The following CDON variants were observed in gnomAD, a reference collection of about 807,000 sequenced individuals.
The protein encoded by CDON is cell adhesion associated, oncogene regulated.
In CDON, 73 loss-of-function variants were observed where a neutral mutation model predicts 120.9. The observed-to-expected ratio is 0.60, with a 90% CI of 0.50 to 0.73. The LOEUF (loss-of-function observed/expected upper bound fraction) is 0.73, where lower values mean the gene tolerates loss of function less well. Among genes scored for constraint, CDON ranks in the 30% least tolerant of loss-of-function variants. The pLI, the probability that CDON is intolerant of heterozygous loss-of-function variation, is 0.00. For synonymous variants in CDON, 566 were observed against 573.5 expected, an observed-to-expected ratio of 0.99 and a Z score of 0.19; for missense variants, 1,470 against 1,587.3, an observed-to-expected ratio of 0.93 and a Z score of 1.26.
intron 13 of CDON, among the ~76,000 whole-genome samples, chr11:125,994,668 G>C (rs1946728052): frequency 6.6e-6 from 1 of 152,194 alleles, no homozygotes; most frequent in African/African-American, 2.4e-5. Context: ...ATTTGGATAA[G>C]AGCCGAGGAA....
At chr11:126,046,641 C>A (rs1378852652) in intron 1 of CDON, among the ~76,000 whole-genome samples, 2 of 152,172 alleles carry the variant, frequency 1.3e-5, no homozygotes, top group Admixed American at 6.5e-5. Flanking sequence ...TTCTACAACA[C>A]CTTCTGGCTC....
At chr11:126,052,546 C>A (rs987376542) in intron 1 of CDON, among the ~76,000 whole-genome samples, 2 of 152,068 alleles carry the variant, frequency 1.3e-5, no homozygotes, top group Non-Finnish European at 1.5e-5. Context: ...ATACAGGCCA[C>A]GCGTGGTGGC....
chr11:125,978,778 A>T (rs625280), intron 17 of CDON, among the ~76,000 whole-genome samples: 1 of 152,052 alleles, frequency 6.6e-6, no homozygotes, highest in African/African-American at 2.4e-5. Context: ...TTCATGTGAT[A>T]CCAGTTGGAG....
intron 7 of CDON, among the ~76,000 whole-genome samples, chr11:126,014,052 A>G (rs1947386118): frequency 6.6e-6 from 1 of 152,106 alleles, no homozygotes. Context: ...TTAAATGTCC[A>G]AATACATGCC....
chr11:125,961,196 G>T, intron 19 of CDON, 91 bp from the exon 20 acceptor site: 1 of 1,202,922 alleles, frequency 8.3e-7, no homozygotes, highest in Non-Finnish European at 1.2e-6. Context: ...TTTGAGCCAA[G>T]AAGAAAGAAA....
intron 11 of CDON, 58 bp from the exon 12 acceptor site, chr11:125,997,468 G>T: frequency 7.7e-7 from 1 of 1,294,490 alleles, no homozygotes; most frequent in Non-Finnish European, 1.1e-6. Context: ...GAATAACATA[G>T]TTAAATTAAA....
intron 1 of CDON, among the ~76,000 whole-genome samples, chr11:126,061,788 G>A (rs943772693): frequency 6.6e-6 from 1 of 152,244 alleles, no homozygotes; most frequent in Non-Finnish European, 1.5e-5. Context: ...CTGGAAAGCA[G>A]TCTGCCCTTA....
chr11:126,052,390 C>T (rs886594555), intron 1 of CDON, among the ~76,000 whole-genome samples: 1 of 152,164 alleles, frequency 6.6e-6, no homozygotes, highest in Non-Finnish European at 1.5e-5. Flanking sequence ...ATTTAGAGAT[C>T]AGAACAATTC....
Position 125,958,978 on chromosome 11 carries a change from T to A in CDON, c.*1964A>T, listed in dbSNP as rs1945566322. ...CTTTGCTAGTCACAGAAGTAAGGGA[T>A]GCAGCTATCCCCCTCCAGAGCTAAC... On this transcript the variant is annotated 3_prime_UTR_variant, in exon 20 of 20. Coordinates refer to ENST00000531738, the MANE Select transcript of CDON (RefSeq NM_001378964.1). 1 of 152,204 alleles carries A rather than the reference T, an allele frequency of 6.6e-6. No homozygotes were observed. Among genetic ancestry groups the A allele is most frequent in the Non-Finnish European group, 1.5e-5 (1 of 68,052 alleles). The allele number at this position is 152,204 out of a possible 1,614,324, so 9.4% of individuals were successfully genotyped here. A position where few individuals can be genotyped will look rare whatever the true frequency, so the allele number is the denominator to read the frequency against.
At chr11:126,035,019 A>G (rs941452645) in intron 1 of CDON, among the ~76,000 whole-genome samples, 15 of 152,228 alleles carry the variant, frequency 9.9e-5, no homozygotes, top group Non-Finnish European at 2.1e-4. Flanking sequence ...GGTGTTAGGT[A>G]ATATAATTAA....
At chr11:126,056,168 A>G (rs1948675994) in intron 1 of CDON, among the ~76,000 whole-genome samples, 1 of 152,202 alleles carries the variant, frequency 6.6e-6, no homozygotes, top group South Asian at 2.1e-4. Context: ...CACTTCCAGG[A>G]ATCAGGAGTC....
At chr11:125,999,422 C>T (rs1458179574) in intron 11 of CDON, among the ~76,000 whole-genome samples, 5 of 152,148 alleles carry the variant, frequency 3.3e-5, no homozygotes, top group Middle Eastern at 3.2e-3. Context: ...ACTTTCTGGA[C>T]GATCTGAGGC....
chr11:125,980,588 TAA>T (rs1946267730), intron 17 of CDON, among the ~76,000 whole-genome samples: 1 of 149,184 alleles, frequency 6.7e-6, no homozygotes, highest in South Asian at 2.1e-4. Flanking sequence ...ATGACGACTG[TAA>T]GTGTCAAACC....
rs761313325 is a variant in CDON, at chr11:125,994,944, C to G, written c.2471G>C (p.Ser824Thr). Residue 824 changes from serine to threonine, a missense_variant, in exon 13 of 20, where the codon AGC becomes ACC. By Grantham distance (58) the Ser-to-Thr change is moderately conservative. Transcript: ENST00000531738. ...QVVGFPNRFS[S>T]RPITGPHIAY... ...AATGTGAGGTCCAGTTATTGGACGG[C>G]TGGAAAAGCGATTGGGGAACCCAAC... 6.2e-7 allele frequency: 1 copy of G among 1,614,052 alleles called. No individual in the cohort carries two copies. Among genetic ancestry groups the G allele is most frequent in the Non-Finnish European group, 8.5e-7 (1 of 1,179,976 alleles).
intron 1 of CDON, among the ~76,000 whole-genome samples, chr11:126,052,854 A>G (rs1948598592): frequency 6.6e-6 from 1 of 152,084 alleles, no homozygotes; most frequent in South Asian, 2.1e-4. Context: ...AATTAAAAAT[A>G]TACTGTATAA....
At chr11:125,976,825 T>C (rs938149876) in intron 18 of CDON, among the ~76,000 whole-genome samples, 4 of 152,174 alleles carry the variant, frequency 2.6e-5, no homozygotes, top group East Asian at 3.9e-4. Flanking sequence ...CTAGGACAAT[T>C]TTCCCCTTTT....
chr11:125,966,405 T>C (rs1222636386), intron 18 of CDON, among the ~76,000 whole-genome samples: 3 of 152,132 alleles, frequency 2.0e-5, no homozygotes, highest in Non-Finnish European at 4.4e-5. Flanking sequence ...GAACAGAGGA[T>C]TGCTGACCAC....
At chr11:125,998,782 A>G (rs1946859802) in intron 11 of CDON, among the ~76,000 whole-genome samples, 1 of 152,194 alleles carries the variant, frequency 6.6e-6, no homozygotes, top group Non-Finnish European at 1.5e-5. Flanking sequence ...TGTGAACTGG[A>G]TAGACATGAG....
At chr11:125,962,366 A>G (rs1565486363) in intron 18 of CDON, among the ~76,000 whole-genome samples, 1 of 152,228 alleles carries the variant, frequency 6.6e-6, no homozygotes, top group African/African-American at 2.4e-5. Context: ...ATGAGAGAAT[A>G]AAAGAGGAAG....
Sources: allele counts gnomAD v4.1 joint callset (sites outside exome capture counted in the v4.1 genomes callset), GRCh38; gene constraint gnomAD v4.1.1; transcripts MANE v1.5; gene names NCBI Gene and HGNC (gene_info 2026-07-23, HGNC 2026-07-21).